The following PTCD2 variants were observed in gnomAD, a reference collection of about 807,000 sequenced individuals.
PTCD2 encodes pentatricopeptide repeat-containing protein 2, mitochondrial.
A neutral mutation model predicts 42.6 loss-of-function variants in PTCD2; 31 were observed. The ratio of observed to expected loss-of-function variants is 0.73; its 90% CI spans 0.55 to 0.98. PTCD2 has a LOEUF of 0.98. Among genes scored for constraint, PTCD2 ranks in the 50% least tolerant of loss-of-function variants. PTCD2 has a pLI of 0.00. For synonymous variants in PTCD2, 183 were observed against 170.9 expected, an observed-to-expected ratio of 1.07 and a Z score of -0.55; for missense variants, 476 against 454.8, an observed-to-expected ratio of 1.05 and a Z score of -0.42.
At chr5:72,349,757 AT>A (rs766399328) in intron 8 of PTCD2, among the ~76,000 whole-genome samples, 1 of 152,110 alleles carries the variant, frequency 6.6e-6, no homozygotes, top group South Asian at 2.1e-4. Context: ...CCCTACTTTC[AT>A]TTTCTTTAGC....
At chr5:72,325,858 A>G (rs1751107128) in intron 2 of PTCD2, among the ~76,000 whole-genome samples, 1 of 152,224 alleles carries the variant, frequency 6.6e-6, no homozygotes, top group Non-Finnish European at 1.5e-5. Context: ...TGGTGGGAAT[A>G]AAGCCCCTTA....
intron 3 of PTCD2, 118 bp from the exon 4 acceptor site, chr5:72,331,140 G>A: frequency 2.8e-6 from 2 of 703,874 alleles, no homozygotes; most frequent in African/African-American, 1.8e-5. Context: ...CCTCCAGACT[G>A]TGAGAGGACT....
chr5:72,333,396 A>G (rs1197507664), intron 4 of PTCD2, among the ~76,000 whole-genome samples: 2 of 152,030 alleles, frequency 1.3e-5, no homozygotes, highest in Non-Finnish European at 2.9e-5. Context: ...CACTTGTCTT[A>G]TTCACTGTCT....
At chr5:72,321,918 C>T (rs1219343458) in intron 1 of PTCD2, among the ~76,000 whole-genome samples, 1 of 152,210 alleles carries the variant, frequency 6.6e-6, no homozygotes, top group Non-Finnish European at 1.5e-5. Context: ...ACAGGTTTAT[C>T]ACTAGCTACG....
intron 8 of PTCD2, among the ~76,000 whole-genome samples, chr5:72,349,447 G>A (rs1156990464): frequency 6.6e-6 from 1 of 152,090 alleles, no homozygotes; most frequent in Admixed American, 6.6e-5. Flanking sequence ...AGGAGAGAAT[G>A]GATATTGGTT....
rs1312426871 is a variant in PTCD2 at position 72,360,941 on chromosome 5, C to CCT, written c.*2516_*2517dup. On this transcript the variant is annotated 3_prime_UTR_variant, in exon 10 of 10. Transcript: ENST00000380639. ...TCCTCAAGTGATCTGCCTGCCTTGG[C>CCT]CTCCCAAAGTGCTGGGATTACAGGC... 6.6e-6 allele frequency: 1 copy of CCT among 152,238 alleles called. No homozygotes were observed. Among genetic ancestry groups the CCT allele is most frequent in the Non-Finnish European group, 1.5e-5 (1 of 68,074 alleles). The allele number at this position is 152,238 out of a possible 1,614,324, so 9.4% of individuals were successfully genotyped here.
chr5:72,335,856 GTTC>G lies in PTCD2; in HGVS notation c.613_615del (p.Leu205del). 6.2e-7 allele frequency: 1 copy of G among 1,613,560 alleles called. No individual in the cohort carries two copies. The highest frequency in any genetic ancestry group is 8.5e-7 in the Non-Finnish European group (1 of 1,179,488). ...TGTGAAGTTCACCAAAGATACCTAT[GTTC>G]TTGCTTTTGCAATTTGCTACAAACT... is the stretch of plus-strand genomic sequence containing the variant. On this transcript the variant is annotated inframe_deletion, in exon 6 of 10. Coordinates refer to ENST00000380639, the MANE Select transcript of PTCD2 (RefSeq NM_024754.5).
intron 4 of PTCD2, among the ~76,000 whole-genome samples, chr5:72,333,451 G>A (rs1482992457): frequency 3.3e-5 from 5 of 152,044 alleles, no homozygotes; most frequent in Non-Finnish European, 7.4e-5. Context: ...ACCCTAGTAG[G>A]GTTTTGAGCA....
rs1046915939 is a variant in PTCD2, at chr5:72,364,677, T to A, written c.*6250T>A. The A allele has an allele frequency of 4.6e-5, 7 of 152,172 alleles. No individual in the cohort carries two copies. Among genetic ancestry groups the A allele is most frequent in the Non-Finnish European group, 1.5e-5 (1 of 68,036 alleles). 9.4% of individuals were successfully genotyped at this position (152,172 alleles called of 1,614,324 possible). A position where few individuals can be genotyped will look rare whatever the true frequency, so the allele number is the denominator to read the frequency against. On this transcript the variant is annotated 3_prime_UTR_variant, in exon 10 of 10. Transcript: ENST00000380639. ...CAATATACTTTAGGCATTTCACAGT[T>A]TTCTCATAAACTGGTTGCTGTTTCT...
chr5:72,328,149 G>A (rs999203350), intron 3 of PTCD2, among the ~76,000 whole-genome samples: 3 of 152,164 alleles, frequency 2.0e-5, no homozygotes, highest in Non-Finnish European at 4.4e-5. Context: ...GCTTAACACA[G>A]TAACTATTTA....
At position 72,364,816 on chromosome 5, in the gene PTCD2, T is replaced by G. The variant is rs1241751373; in HGVS notation, c.*6389T>G. The G allele has an allele frequency of 1.3e-5, 2 of 152,194 alleles. No homozygotes were observed. Among genetic ancestry groups the G allele is most frequent in the Admixed American group, 1.3e-4 (2 of 15,276 alleles). The allele number at this position is 152,194 out of a possible 1,614,324, so 9.4% of individuals were successfully genotyped here. On this transcript the variant is annotated 3_prime_UTR_variant, in exon 10 of 10. Transcript: ENST00000380639. ...GTACTGGACCAGGGCCCCTGTATCT[T>G]GCAGTAATGTATCCGTGGGCGTTTC...
chr5:72,355,030 A>G (rs1752805393), intron 9 of PTCD2, among the ~76,000 whole-genome samples: 1 of 152,234 alleles, frequency 6.6e-6, no homozygotes, highest in Non-Finnish European at 1.5e-5. Context: ...AGTTATTTTT[A>G]TATATTTATG....
Position 72,326,479 on chromosome 5 carries a change from C to T in PTCD2, c.221-133C>T, listed in dbSNP as rs1464648419. ...AGAGGAGATTGGCCAGTGATGGCAG[C>T]TGTGTGTTTCTGAACCCCTCTCAGT... On this transcript the variant is annotated intron_variant, in intron 2 of 9. Transcript: ENST00000380639. 4.7e-6 allele frequency: 4 copies of T among 846,402 alleles called. No individual in the cohort carries two copies. The African/African-American group carries it at 5.1e-5, about 11-fold the overall frequency. The allele number at this position is 846,402 out of a possible 1,614,324, so 52.4% of individuals were successfully genotyped here. A position where few individuals can be genotyped will look rare whatever the true frequency, so the allele number is the denominator to read the frequency against.
chr5:72,334,273 A>G (rs1751603683), intron 4 of PTCD2, among the ~76,000 whole-genome samples: 1 of 152,234 alleles, frequency 6.6e-6, no homozygotes, highest in Non-Finnish European at 1.5e-5. Context: ...GCGAATAATC[A>G]ATTCTGTATT....
In PTCD2 at chr5:72,331,369, A is replaced by G. The variant is rs1045724496; in HGVS notation, c.462A>G (p.Lys154=). 5 of 1,602,838 alleles carry G rather than the reference A, an allele frequency of 3.1e-6. No individual in the cohort carries two copies. Among genetic ancestry groups the G allele is most frequent in the Admixed American group, 1.7e-5 (1 of 60,010 alleles). Residue 154 remains lysine, a synonymous_variant, in exon 4 of 10, where the codon AAA becomes AAG. Coordinates refer to ENST00000380639, the MANE Select transcript of PTCD2 (RefSeq NM_024754.5). ...AGGAATCTGCAGTGGAGCTCATGAA[A>G]GACCAGGTTATTGTTTCCTAATTGT... ...DLEESAVELM[K]DQHLRGFFSD... is the part of the protein sequence containing the mutation.
At chr5:72,357,982 TACAG>T (rs1277882168) in intron 9 of PTCD2, among the ~76,000 whole-genome samples, 5 of 152,130 alleles carry the variant, frequency 3.3e-5, no homozygotes, top group East Asian at 3.9e-4. Flanking sequence ...AAAATTTTTT[TACAG>T]ACAAAGTCTC....
intron 8 of PTCD2, among the ~76,000 whole-genome samples, chr5:72,344,453 CA>C (rs1383453825): frequency 6.6e-6 from 1 of 152,046 alleles, no homozygotes; most frequent in Non-Finnish European, 1.5e-5. Flanking sequence ...GCAGAGGTTG[CA>C]GTGAGCCAAA....
At chr5:72,325,111 C>T (rs937141170) in intron 2 of PTCD2, among the ~76,000 whole-genome samples, 9 of 151,970 alleles carry the variant, frequency 5.9e-5, no homozygotes, top group South Asian at 4.2e-4. Flanking sequence ...TTGGTAGAGA[C>T]GGGGTTTCAC....
At chr5:72,326,096 G>A (rs1356901067) in intron 2 of PTCD2, among the ~76,000 whole-genome samples, 2 of 152,228 alleles carry the variant, frequency 1.3e-5, no homozygotes, top group Non-Finnish European at 2.9e-5. Context: ...AAGAGGTGAA[G>A]TTGAATCAAA....
Sources: allele counts gnomAD v4.1 joint callset (sites outside exome capture counted in the v4.1 genomes callset), GRCh38; gene constraint gnomAD v4.1.1; transcripts MANE v1.5; gene names NCBI Gene and HGNC (gene_info 2026-07-23, HGNC 2026-07-21).